RANBP9: variants seen among roughly 807,000 people sequenced by gnomAD.
RANBP9 encodes RAN binding protein 9, also known as ran-binding protein 9.
Under a neutral mutation model 84.3 loss-of-function variants are expected in RANBP9, and 15 were observed. That is an observed-to-expected ratio of 0.18 (90% CI 0.12 to 0.27). The LOEUF is 0.27. RANBP9 is among the 10% of genes least tolerant of loss of function. RANBP9 has a pLI of 1.00. For synonymous variants in RANBP9, 392 were observed against 349.6 expected (o/e 1.12, Z -1.35); for missense variants, 809 against 912.8 (o/e 0.89, Z 1.46).
intron 2 of RANBP9, among the ~76,000 whole-genome samples, chr6:13,670,801 GAAAAAAAAAA>G (rs796204005): frequency 3.0e-4 from 17 of 56,760 alleles, no homozygotes; most frequent in Non-Finnish European, 4.3e-4. Context: ...TTCCATCTTA[GAAAAAAAAAA>G]AAAAAAAAAA....
intron 7 of RANBP9, 95 bp downstream of exon 7, chr6:13,642,384 A>T (rs1382901404): frequency 7.6e-6 from 4 of 528,788 alleles, no homozygotes; most frequent in Admixed American, 4.3e-5. Flanking sequence ...TATATTTGAA[A>T]TTTTTTTAAT....
intron 2 of RANBP9, among the ~76,000 whole-genome samples, chr6:13,689,818 C>T (rs1304274738): frequency 6.6e-6 from 1 of 152,190 alleles, no homozygotes; most frequent in Non-Finnish European, 1.5e-5. Flanking sequence ...CCTCAGTTTT[C>T]CCATACATGG....
In RANBP9 at chr6:13,711,025, G is replaced by C; in HGVS notation, c.481C>G (p.Gln161Glu). ...LKRLYPAVDE[Q>E]ETPLPRSWSP... ...CAGGACCGAGGCAGCGGCGTCTCTT[G>C]TTCGTCCACGGCCGGGTAGAGACGC... The change falls in exon 1 of 14, where the codon CAA (glutamine) becomes GAA (glutamate). Residue 161 changes from glutamine (Q) to glutamate (E), a missense_variant. This residue lies in a region of RANBP9 where 302 missense variants were observed against 240.1 expected (regional missense o/e 1.26). Transcript: ENST00000011619. 1 of 1,602,778 alleles carries C rather than the reference G, an allele frequency of 6.2e-7. No individual in the cohort carries two copies. Among genetic ancestry groups the C allele is most frequent in the South Asian group, 1.1e-5 (1 of 89,342 alleles).
At chr6:13,682,395 TAAAA>T (rs202214378) in intron 2 of RANBP9, among the ~76,000 whole-genome samples, 1 of 102,330 alleles carries the variant, frequency 9.8e-6, no homozygotes, top group South Asian at 3.3e-4. Context: ...GAAGCAAAAT[TAAAA>T]AAAAAAAAAA....
intron 13 of RANBP9, among the ~76,000 whole-genome samples, chr6:13,622,997 AGTG>A (rs761146343): frequency 3.3e-5 from 5 of 152,158 alleles, no homozygotes; most frequent in African/African-American, 7.2e-5. Flanking sequence ...GTGGGGAGTA[AGTG>A]GTGGTGGTGA....
At chr6:13,653,809 G>T (rs1765343647) in intron 4 of RANBP9, among the ~76,000 whole-genome samples, 1 of 151,980 alleles carries the variant, frequency 6.6e-6, no homozygotes. Flanking sequence ...GTAAATTCAT[G>T]GTGGCTTGTT....
At chr6:13,673,492 CTT>C (rs1221705699) in intron 2 of RANBP9, among the ~76,000 whole-genome samples, 1 of 152,288 alleles carries the variant, frequency 6.6e-6, no homozygotes, top group East Asian at 1.9e-4. Context: ...AAGATACACT[CTT>C]TTATTTTTCT....
chr6:13,707,304 CCA>C (rs1248071425), intron 1 of RANBP9, among the ~76,000 whole-genome samples: 1 of 152,144 alleles, frequency 6.6e-6, no homozygotes, highest in Admixed American at 6.5e-5. Flanking sequence ...CAGGCGTAAG[CCA>C]CCACACCCAC....
At chr6:13,695,172 A>G (rs1338048276) in intron 2 of RANBP9, among the ~76,000 whole-genome samples, 1 of 152,162 alleles carries the variant, frequency 6.6e-6, no homozygotes, top group Non-Finnish European at 1.5e-5. Flanking sequence ...TATCTCAAAA[A>G]ACGGGTAGAG....
intron 5 of RANBP9, among the ~76,000 whole-genome samples, chr6:13,648,338 G>A (rs963247234): frequency 1.3e-5 from 2 of 151,768 alleles, no homozygotes; most frequent in African/African-American, 4.8e-5. Context: ...AGTAGAGACG[G>A]GGTTTCACCA....
intron 2 of RANBP9, among the ~76,000 whole-genome samples, chr6:13,677,260 C>T (rs1328976443): frequency 2.0e-5 from 3 of 151,810 alleles, no homozygotes; most frequent in Non-Finnish European, 4.4e-5. Context: ...TTAGCACCAA[C>T]AAAAAGGAAA....
intron 5 of RANBP9, among the ~76,000 whole-genome samples, chr6:13,649,549 A>G (rs1765248628): frequency 1.3e-5 from 2 of 152,024 alleles, no homozygotes; most frequent in African/African-American, 4.8e-5. Context: ...TAACTGTTAA[A>G]GACCAAATCA....
intron 6 of RANBP9, 121 bp downstream of exon 6, chr6:13,644,424 T>C (rs1321903548): frequency 1.1e-6 from 1 of 925,884 alleles, no homozygotes; most frequent in African/African-American, 1.7e-5. Flanking sequence ...AAATCAATAA[T>C]ATAATAGATA....
intron 2 of RANBP9, among the ~76,000 whole-genome samples, chr6:13,659,526 A>AT (rs1434633900): frequency 6.6e-6 from 1 of 152,194 alleles, no homozygotes; most frequent in Non-Finnish European, 1.5e-5. Flanking sequence ...TCAAGTGCTT[A>AT]TAAAACATTA....
intron 2 of RANBP9, among the ~76,000 whole-genome samples, chr6:13,693,903 TGTG>T (rs1447192430): frequency 4.0e-5 from 6 of 151,456 alleles, no homozygotes; most frequent in African/African-American, 1.5e-4. Flanking sequence ...ATTAGCCAGG[TGTG>T]GTGGTGGGCG....
chr6:13,636,611 T>G (rs1411516800), intron 10 of RANBP9, among the ~76,000 whole-genome samples: 1 of 152,226 alleles, frequency 6.6e-6, no homozygotes. Context: ...ACCAATGCAT[T>G]TAGTATAAAG....
At chr6:13,676,961 G>A (rs1240514416) in intron 2 of RANBP9, among the ~76,000 whole-genome samples, 1 of 152,118 alleles carries the variant, frequency 6.6e-6, no homozygotes. Context: ...AAAAGGCAGA[G>A]GTATTTCCTT....
rs977637460 is a variant in RANBP9 at position 13,621,889 on chromosome 6, A to T, written c.*473T>A. ...AATGATTTCTTCCATCAACACTATA[A>T]ATTCAAACTGTCGGATGTTTATGCA... On this transcript the variant is annotated 3_prime_UTR_variant, in exon 14 of 14. Transcript: ENST00000011619. 1.4e-5 allele frequency: 2 copies of T among 145,618 alleles called. No individual in the cohort carries two copies. Among genetic ancestry groups the T allele is most frequent in the Non-Finnish European group, 3.1e-5 (2 of 63,840 alleles). The allele number at this position is 145,618 out of a possible 1,614,324, so 9.0% of individuals were successfully genotyped here. A position where few individuals can be genotyped will look rare whatever the true frequency, so the allele number is the denominator to read the frequency against.
chr6:13,663,994 T>C (rs1014550936), intron 2 of RANBP9, among the ~76,000 whole-genome samples: 2 of 152,070 alleles, frequency 1.3e-5, no homozygotes, highest in African/African-American at 4.8e-5. Context: ...TGCTCACCAC[T>C]CGTATTCAAC....
Sources: gnomAD v4.1 joint callset for allele counts (sites outside exome capture counted in the v4.1 genomes callset) on GRCh38, gnomAD v4.1.1 for gene constraint, gnomAD v4.1.1 regional missense constraint, MANE v1.5 for transcripts, NCBI Gene and HGNC (gene_info 2026-07-23, HGNC 2026-07-21) for gene names.